MAP4: variants seen among roughly 807,000 people sequenced by gnomAD.
MAP4 encodes the protein microtubule associated protein 4, also known as microtubule-associated protein 4.
MAP4 carries 76 observed loss-of-function variants against 170.2 expected under a neutral mutation model. The observed-to-expected ratio is 0.45, with a 90% CI of 0.37 to 0.54. MAP4 has a LOEUF of 0.54. Ranked by LOEUF, MAP4 falls within the 20% of genes least tolerant of loss-of-function variation. The pLI is 0.00. For synonymous variants in MAP4, 909 were observed against 994.5 expected, an observed-to-expected ratio of 0.91 and a Z score of 1.62; for missense variants, 2,506 against 2,748.0, an observed-to-expected ratio of 0.91 and a Z score of 1.97.
chr3:47,854,394 G>T (rs2050559763), intron 19 of MAP4, among the ~76,000 whole-genome samples: 2 of 152,198 alleles, frequency 1.3e-5, no homozygotes, highest in South Asian at 4.1e-4. Flanking sequence ...ATCAGGAGAG[G>T]ATGGGACAGG....
chr3:47,940,731 C>G (rs2100055753), intron 3 of MAP4, among the ~76,000 whole-genome samples: 2 of 152,150 alleles, frequency 1.3e-5, no homozygotes, highest in South Asian at 4.1e-4. Flanking sequence ...TTTTAAATAA[C>G]AGTACAAAAA....
intron 1 of MAP4, among the ~76,000 whole-genome samples, chr3:48,023,439 G>A (rs1361156758): frequency 1.3e-5 from 2 of 152,168 alleles, no homozygotes; most frequent in Non-Finnish European, 2.9e-5. Context: ...GGAGGCTTCG[G>A]AAAGATGGAG....
intron 4 of MAP4, among the ~76,000 whole-genome samples, chr3:47,927,561 C>T (rs1398016742): frequency 2.6e-5 from 4 of 152,166 alleles, no homozygotes; most frequent in South Asian, 2.1e-4. Context: ...CTGCAACCTC[C>T]GCCTCGCAGG....
chr3:47,858,782 C>T (rs2060962789), intron 17 of MAP4, among the ~76,000 whole-genome samples: 1 of 151,524 alleles, frequency 6.6e-6, no homozygotes, highest in Admixed American at 6.6e-5. Context: ...ACCAGCCTGG[C>T]CAGCACAGTG....
chr3:48,062,361 G>T (rs534657830), intron 1 of MAP4, among the ~76,000 whole-genome samples: 125 of 151,436 alleles, frequency 8.3e-4, no homozygotes, highest in African/African-American at 2.8e-3. Context: ...CAAACACTGC[G>T]GAAGGCCGCA....
intron 1 of MAP4, among the ~76,000 whole-genome samples, chr3:48,021,695 T>C (rs1170970052): frequency 3.9e-5 from 6 of 152,212 alleles, no homozygotes; most frequent in Non-Finnish European, 5.9e-5. Flanking sequence ...AGGTTTTTTC[T>C]TTTCAAATCA....
At chr3:48,075,713 C>T (rs1351167988) in intron 1 of MAP4, among the ~76,000 whole-genome samples, 3 of 151,984 alleles carry the variant, frequency 2.0e-5, no homozygotes, top group African/African-American at 7.3e-5. Context: ...GTGGTTCACG[C>T]CTGTAATCCC....
At chr3:47,894,939 T>C (rs1380358354) in intron 10 of MAP4, among the ~76,000 whole-genome samples, 1 of 151,420 alleles carries the variant, frequency 6.6e-6, no homozygotes, top group Admixed American at 6.6e-5. Flanking sequence ...GGTGGGAGAA[T>C]TGCCTGAGCC....
intron 9 of MAP4, among the ~76,000 whole-genome samples, chr3:47,907,250 ACTT>A (rs1157910797): frequency 2.0e-5 from 3 of 152,164 alleles, no homozygotes; most frequent in Non-Finnish European, 2.9e-5. Flanking sequence ...ATATGTTATT[ACTT>A]ATTATACATA....
chr3:48,049,105 G>C (rs1034916123), intron 1 of MAP4, among the ~76,000 whole-genome samples: 3 of 152,148 alleles, frequency 2.0e-5, no homozygotes, highest in Admixed American at 1.3e-4. Context: ...TCTATAGCTT[G>C]CTTGTTCCTT....
intron 1 of MAP4, among the ~76,000 whole-genome samples, chr3:48,070,588 C>T (rs2100140448): frequency 6.6e-6 from 1 of 151,628 alleles, no homozygotes; most frequent in Admixed American, 6.6e-5. Flanking sequence ...ATCCGAAGTG[C>T]TGGGATTCCA....
intron 1 of MAP4, among the ~76,000 whole-genome samples, chr3:48,079,840 C>CT (rs1330981537): frequency 1.3e-5 from 2 of 151,946 alleles, no homozygotes; most frequent in Admixed American, 1.3e-4. Flanking sequence ...GTCCCAGCTA[C>CT]TCGGGAGGCT....
intron 1 of MAP4, among the ~76,000 whole-genome samples, chr3:48,002,410 A>ATT (rs2100099697): frequency 6.6e-6 from 1 of 152,026 alleles, no homozygotes. Context: ...AACTAAAAAA[A>ATT]AATTAGCTGG....
chr3:47,967,720 G>T (rs964642984), intron 3 of MAP4, among the ~76,000 whole-genome samples: 39 of 152,208 alleles, frequency 2.6e-4, no homozygotes, highest in African/African-American at 9.2e-4. Context: ...CCAGTACTTT[G>T]GGAGGCCGAG....
At chr3:48,040,090 G>T (rs1367330868) in intron 1 of MAP4, among the ~76,000 whole-genome samples, 1 of 152,050 alleles carries the variant, frequency 6.6e-6, no homozygotes, top group African/African-American at 2.4e-5. Flanking sequence ...GAATCTCTAA[G>T]GACTACAGCT....
At chr3:47,992,382 G>A (rs1191101238) in intron 2 of MAP4, among the ~76,000 whole-genome samples, 1 of 151,954 alleles carries the variant, frequency 6.6e-6, no homozygotes. Flanking sequence ...AGCTGGTATG[G>A]AAAAAATGTA....
chr3:47,893,171 G>A (rs766255041), intron 10 of MAP4, among the ~76,000 whole-genome samples: 2 of 152,170 alleles, frequency 1.3e-5, no homozygotes, highest in African/African-American at 2.4e-5. Context: ...ACCCGTAAGA[G>A]CTCCATCTGT....
chr3:48,047,460 G>A (rs2100125186), intron 1 of MAP4, among the ~76,000 whole-genome samples: 1 of 152,072 alleles, frequency 6.6e-6, no homozygotes, highest in South Asian at 2.1e-4. Context: ...CTTCGTTTAG[G>A]GGTGGGGAGG....
chr3:47,993,086 G>A (rs1221130871), intron 2 of MAP4, among the ~76,000 whole-genome samples: 1 of 152,120 alleles, frequency 6.6e-6, no homozygotes, highest in Non-Finnish European at 1.5e-5. Flanking sequence ...TGAAAGAATG[G>A]TGAAATCACT....
Sources: allele counts gnomAD v4.1 joint callset (sites outside exome capture counted in the v4.1 genomes callset), GRCh38; gene constraint gnomAD v4.1.1; transcripts MANE v1.5; gene names NCBI Gene and HGNC (gene_info 2026-07-23, HGNC 2026-07-21).